Variants in ZNF616 observed in about 807,000 individuals in gnomAD.
The protein encoded by ZNF616 is zinc finger protein 616.
Under a neutral mutation model 7.6 loss-of-function variants are expected in ZNF616, and 5 were observed. The ratio of observed to expected loss-of-function variants is 0.66; its 90% CI spans 0.34 to 1.38. The LOEUF is 1.38. Among genes scored for constraint, ZNF616 ranks in the 40% most tolerant of loss-of-function variants. The probability of loss-of-function intolerance (pLI) is 0.04; values close to 1 mark genes in which losing one functional copy is unlikely to be tolerated. For missense variants in ZNF616, 913 were observed against 948.3 expected (o/e 0.96, Z 0.49); for synonymous variants, 319 against 317.2 (o/e 1.01, Z -0.06).
chr19:52,124,700 CT>C (rs2088891666), intron 2 of ZNF616, among the ~76,000 whole-genome samples: 1 of 152,200 alleles, frequency 6.6e-6, no homozygotes, highest in African/African-American at 2.4e-5. Context: ...ACAGAATATC[CT>C]AGTCTGTCTG....
Position 52,124,508 on chromosome 19 carries a change from G to A in ZNF616, c.13-459C>T, listed in dbSNP as rs74584981. ...GGGCATTATTCCAAATGCTTTACAT[G>A]TTCTAATTCAAATAACAACATGATA... On this transcript the variant is annotated intron_variant, in intron 2 of 3. Coordinates refer to ENST00000600228, the MANE Select transcript of ZNF616 (RefSeq NM_178523.5). Among the ~76,000 whole-genome samples, 29 of 152,284 alleles carry A rather than the reference G, an allele frequency of 1.9e-4. 2 individuals carry two copies. In the East Asian group the frequency reaches 5.6e-3, roughly 29 times the overall value.
Position 52,117,027 on chromosome 19 carries a change from G to A in ZNF616, c.140-3C>T. 1 of 1,542,524 alleles carries A rather than the reference G, an allele frequency of 6.5e-7. No individual in the cohort carries two copies. The highest frequency in any genetic ancestry group is 8.7e-7 in the Non-Finnish European group (1 of 1,151,174). Reference sequence around the variant, plus strand: ...GATCACACATTTAGGAGAGATACCTGCAAAATATAATGAACATGAGTTTTT... The same window carrying A: ...GATCACACATTTAGGAGAGATACCTACAAAATATAATGAACATGAGTTTTT... On this transcript the variant is annotated splice_region_variant and splice_polypyrimidine_tract_variant and intron_variant, in intron 3 of 3. Coordinates refer to ENST00000600228, the MANE Select transcript of ZNF616 (RefSeq NM_178523.5).
intron 3 of ZNF616, among the ~76,000 whole-genome samples, chr19:52,117,963 G>A (rs887107632): frequency 4.7e-5 from 7 of 149,682 alleles, no homozygotes; most frequent in African/African-American, 1.7e-4. Context: ...TTTTTCTTGA[G>A]ACAGAGTCTC....
intron 1 of ZNF616, chr19:52,138,773 C>G (rs987516517): frequency 2.6e-5 from 4 of 152,576 alleles, no homozygotes; most frequent in African/African-American, 9.7e-5. Context: ...TTTGTTCCCA[C>G]TCTCTAGCAC....
At chr19:52,118,948 G>GT (rs2088846112) in intron 3 of ZNF616, among the ~76,000 whole-genome samples, 1 of 152,108 alleles carries the variant, frequency 6.6e-6, no homozygotes, top group Non-Finnish European at 1.5e-5. Flanking sequence ...CAAACATTAT[G>GT]TTTTTTTCAA....
At position 52,118,213 on chromosome 19, in the gene ZNF616, G is replaced by A. The variant is rs77507131; in HGVS notation, c.140-1189C>T. 8.4e-3 allele frequency among the ~76,000 whole-genome samples: 1,276 copies of A among 152,136 alleles called. 19 individuals carry two copies. The highest frequency in any genetic ancestry group is 0.029 in the African/African-American group (1,211 of 41,494). ...GCCTGCTGCAGCCTCCCAAAGTGCC[G>A]GGATTATATACAGGCATGAGTCACC... On this transcript the variant is annotated intron_variant, in intron 3 of 3. Coordinates refer to ENST00000600228, the MANE Select transcript of ZNF616 (RefSeq NM_178523.5).
chr19:52,137,624 G>A (rs148772952), intron 1 of ZNF616, among the ~76,000 whole-genome samples: 3 of 152,142 alleles, frequency 2.0e-5, no homozygotes, highest in Non-Finnish European at 4.4e-5. Context: ...GCTGGGTGGG[G>A]AAAGTGGAGA....
Position 52,113,675 on chromosome 19 carries a change from A to G in ZNF616, c.*1143T>C, listed in dbSNP as rs1272284308. The G allele has an allele frequency of 6.6e-6, 1 of 151,968 alleles. No homozygotes were observed. The highest frequency in any genetic ancestry group is 1.5e-5 in the Non-Finnish European group (1 of 67,994). 9.4% of individuals were successfully genotyped at this position (151,968 alleles called of 1,614,324 possible). On this transcript the variant is annotated 3_prime_UTR_variant, in exon 4 of 4. Coordinates refer to ENST00000600228, the MANE Select transcript of ZNF616 (RefSeq NM_178523.5). The stretch of plus-strand genomic sequence containing the variant: ...CCCCTCCCTGGGTATATGTGTTCTC[A>G]TTGTTCAGCTTCCACTTTTAAGTGA...
rs2088786756 is a variant in ZNF616 at position 52,113,235 on chromosome 19, T to A, written c.*1583A>T. 1 of 152,190 alleles carries A rather than the reference T, an allele frequency of 6.6e-6. No individual in the cohort carries two copies. The highest frequency in any genetic ancestry group is 6.5e-5 in the Admixed American group (1 of 15,272). 9.4% of individuals were successfully genotyped at this position (152,190 alleles called of 1,614,324 possible). ...CCAGGCCAATCTTGGAGAAGCAGAT[T>A]TGGTTATCCCTAGTATGATTTCAAA... is the stretch of plus-strand genomic sequence containing the variant. On this transcript the variant is annotated 3_prime_UTR_variant, in exon 4 of 4. Coordinates refer to ENST00000600228, the MANE Select transcript of ZNF616 (RefSeq NM_178523.5).
intron 3 of ZNF616, among the ~76,000 whole-genome samples, chr19:52,119,470 TA>T (rs2088850350): frequency 6.6e-6 from 1 of 152,104 alleles, no homozygotes; most frequent in Non-Finnish European, 1.5e-5. Flanking sequence ...ATGAAGGAGT[TA>T]TGCAATAATG....
rs1198395229 is a variant in ZNF616, at chr19:52,114,393, G to A, written c.*425C>T. On this transcript the variant is annotated 3_prime_UTR_variant, in exon 4 of 4. Transcript: ENST00000600228. ...TGCATTGCTACAAAAAAAAACCTGA[G>A]GCTGGCTAATGTATAAAGAAAAGAG... is the stretch of plus-strand genomic sequence containing the variant. 1.9e-5 allele frequency: 3 copies of A among 160,488 alleles called. No individual in the cohort carries two copies. Among genetic ancestry groups the A allele is most frequent in the Non-Finnish European group, 2.7e-5 (2 of 73,574 alleles). 9.9% of individuals were successfully genotyped at this position (160,488 alleles called of 1,614,324 possible). A position where few individuals can be genotyped will look rare whatever the true frequency, so the allele number is the denominator to read the frequency against.
chr19:52,130,437 C>G (rs1403729429), intron 2 of ZNF616, 64 bp downstream of exon 2: 2 of 1,458,116 alleles, frequency 1.4e-6, no homozygotes, highest in Admixed American at 3.3e-5. Flanking sequence ...CTGTACTTCA[C>G]AAAGGAAGGA....
rs2088787357 is a variant in ZNF616, at chr19:52,113,339, T to C, written c.*1479A>G. ...TTCCAAGTTTTCTCTCAAGTAGGGA[T>C]AATTTGGTAAAGGCTGAAGACACAC... On this transcript the variant is annotated 3_prime_UTR_variant, in exon 4 of 4. Transcript: ENST00000600228. The C allele has an allele frequency of 6.6e-6, 1 of 152,216 alleles. No homozygotes were observed. The highest frequency in any genetic ancestry group is 2.4e-5 in the African/African-American group (1 of 41,458). 9.4% of individuals were successfully genotyped at this position (152,216 alleles called of 1,614,324 possible). A position where few individuals can be genotyped will look rare whatever the true frequency, so the allele number is the denominator to read the frequency against.
chr19:52,124,933 G>A (rs2088893168), intron 2 of ZNF616, among the ~76,000 whole-genome samples: 1 of 152,104 alleles, frequency 6.6e-6, no homozygotes, highest in Non-Finnish European at 1.5e-5. Flanking sequence ...AAAAAGCAGT[G>A]AACTCCGTAG....
intron 1 of ZNF616, among the ~76,000 whole-genome samples, chr19:52,137,060 T>TATA (rs1197571333): frequency 7.2e-6 from 1 of 138,600 alleles, no homozygotes; most frequent in Non-Finnish European, 1.5e-5. Context: ...TGTGTATATA[T>TATA]ATATATATAT....
chr19:52,129,833 G>C (rs1444110015), intron 2 of ZNF616, among the ~76,000 whole-genome samples: 1 of 151,522 alleles, frequency 6.6e-6, no homozygotes, highest in Non-Finnish European at 1.5e-5. Context: ...ACCCAGGCTG[G>C]GGTGCAGTGG....
intron 2 of ZNF616, 64 bp from the exon 3 acceptor site, chr19:52,124,113 G>A (rs1425502986): frequency 3.9e-6 from 6 of 1,537,636 alleles, no homozygotes; most frequent in African/African-American, 1.4e-5. Context: ...CACAAAATGA[G>A]GAGAGAACTA....
intron 2 of ZNF616, among the ~76,000 whole-genome samples, chr19:52,125,815 T>C (rs1425218665): frequency 6.6e-6 from 1 of 152,172 alleles, no homozygotes; most frequent in Non-Finnish European, 1.5e-5. Flanking sequence ...TAGGGGCCAC[T>C]GAGCAAAAAG....
chr19:52,117,766 C>T (rs1189344040), intron 3 of ZNF616, among the ~76,000 whole-genome samples: 1 of 152,086 alleles, frequency 6.6e-6, no homozygotes, highest in Admixed American at 6.5e-5. Context: ...ATGTCTATGG[C>T]CATACCACCT....
Sources: allele counts gnomAD v4.1 joint callset (sites outside exome capture counted in the v4.1 genomes callset), GRCh38; gene constraint gnomAD v4.1.1; transcripts MANE v1.5; gene names NCBI Gene and HGNC (gene_info 2026-07-23, HGNC 2026-07-21).